Variants in CTNND2 observed in about 807,000 individuals in gnomAD.
CTNND2 encodes the protein catenin delta-2.
Under a neutral mutation model 144.4 loss-of-function variants are expected in CTNND2, and 22 were observed. The ratio of observed to expected loss-of-function variants is 0.15; its 90% confidence interval spans 0.11 to 0.22. The LOEUF is 0.22. CTNND2 is among the 10% of genes least tolerant of loss of function. The pLI is 1.00. For missense variants in CTNND2, 1,353 were observed against 1,618.8 expected (o/e 0.84, Z 2.82); for synonymous variants, 751 against 695.6 (o/e 1.08, Z -1.25).
chr5:11,045,081 G>A (rs181397827), intron 16 of CTNND2, among the ~76,000 whole-genome samples: 1 of 152,366 alleles, frequency 6.6e-6, no homozygotes, highest in East Asian at 1.9e-4. Flanking sequence ...ACAGGGCCAT[G>A]CTCCCGCCTA....
Position 11,411,772 on chromosome 5 carries a change from A to C in CTNND2, c.323-120T>G, listed in dbSNP as rs554018543. 1.7e-4 allele frequency: 126 copies of C among 743,112 alleles called. No homozygotes were observed. The African/African-American group carries it at 2.2e-3, about 13-fold the overall frequency. 46.0% of individuals were successfully genotyped at this position (743,112 alleles called of 1,614,324 possible). A position where few individuals can be genotyped will look rare whatever the true frequency, so the allele number is the denominator to read the frequency against. On this transcript the variant is annotated intron_variant, in intron 4 of 21. Coordinates refer to ENST00000304623, the MANE Select transcript of CTNND2 (RefSeq NM_001332.4). ...AATATATTACCTCTATGAAGTTTTC[A>C]TTAGCTATTCCATTTTAATTTTTGG...
intron 3 of CTNND2, among the ~76,000 whole-genome samples, chr5:11,516,675 CTAAA>C: frequency 6.6e-6 from 1 of 152,164 alleles, no homozygotes; most frequent in South Asian, 2.1e-4. Context: ...TGTTAAAGAT[CTAAA>C]TAAATATAAA....
At chr5:11,263,240 T>C (rs1745096659) in intron 9 of CTNND2, among the ~76,000 whole-genome samples, 1 of 152,206 alleles carries the variant, frequency 6.6e-6, no homozygotes, top group Non-Finnish European at 1.5e-5. Flanking sequence ...CCTTTCAAGA[T>C]AACTAAAAAT....
chr5:11,301,529 C>T (rs893470332), intron 9 of CTNND2, among the ~76,000 whole-genome samples: 1 of 152,176 alleles, frequency 6.6e-6, no homozygotes, highest in Non-Finnish European at 1.5e-5. Context: ...TGGAGAACTT[C>T]ATCAAGCTTT....
chr5:11,429,701 T>C (rs1448605054), intron 3 of CTNND2, among the ~76,000 whole-genome samples: 4 of 152,108 alleles, frequency 2.6e-5, no homozygotes, highest in South Asian at 2.1e-4. Flanking sequence ...TCTCCGAAAA[T>C]GCACCACAGA....
chr5:11,681,468 A>G (rs1161238695), intron 2 of CTNND2, among the ~76,000 whole-genome samples: 1 of 152,206 alleles, frequency 6.6e-6, no homozygotes, highest in Admixed American at 6.5e-5. Context: ...TGTCTTCTTC[A>G]GCAGCCCTGA....
intron 3 of CTNND2, among the ~76,000 whole-genome samples, chr5:11,480,670 G>C (rs895544828): frequency 6.6e-6 from 1 of 151,976 alleles, no homozygotes; most frequent in African/African-American, 2.4e-5. Context: ...GTGTGTGTGT[G>C]TGTGTAAGTG....
At chr5:11,020,378 T>A (rs1742112731) in intron 17 of CTNND2, among the ~76,000 whole-genome samples, 1 of 152,142 alleles carries the variant, frequency 6.6e-6, no homozygotes, top group Admixed American at 6.6e-5. Flanking sequence ...AAATAAGTTT[T>A]TAAGGAATAA....
At position 11,367,924 on chromosome 5, in the gene CTNND2, C is replaced by T. The variant is rs139402288; in HGVS notation, c.1178-3034G>A. On this transcript the variant is annotated intron_variant, in intron 7 of 21. Coordinates refer to ENST00000304623, the MANE Select transcript of CTNND2 (RefSeq NM_001332.4). ...TATAAAGCATTTCATGACCAATTACCGCAACAATTCCTACATCATCCAGCA... is the reference window on the plus strand; with the variant it reads ...TATAAAGCATTTCATGACCAATTACTGCAACAATTCCTACATCATCCAGCA... Among the ~76,000 whole-genome samples the T allele has an allele frequency of 4.8e-3, 724 of 152,256 alleles. 4 individuals carry two copies. Among genetic ancestry groups the T allele is most frequent in the Non-Finnish European group, 8.0e-3 (541 of 68,026 alleles).
At chr5:11,769,012 A>C (rs1321915926) in intron 1 of CTNND2, among the ~76,000 whole-genome samples, 3 of 152,202 alleles carry the variant, frequency 2.0e-5, no homozygotes, top group Non-Finnish European at 4.4e-5. Context: ...TAGACTATAA[A>C]TAAGAGGCAA....
intron 7 of CTNND2, among the ~76,000 whole-genome samples, chr5:11,382,476 G>A (rs1758585970): frequency 6.6e-6 from 1 of 152,126 alleles, no homozygotes; most frequent in African/African-American, 2.4e-5. Flanking sequence ...GCAGGTGACT[G>A]TAATCCCAGC....
At chr5:11,086,643 C>T (rs372501643) in intron 15 of CTNND2, among the ~76,000 whole-genome samples, 23 of 152,126 alleles carry the variant, frequency 1.5e-4, no homozygotes, top group African/African-American at 5.3e-4. Context: ...CCATGAAATT[C>T]CTAGTTGTAT....
intron 2 of CTNND2, among the ~76,000 whole-genome samples, chr5:11,687,005 C>T (rs1581721136): frequency 6.6e-6 from 1 of 151,998 alleles, no homozygotes; most frequent in East Asian, 1.9e-4. Flanking sequence ...TTTATAACTA[C>T]TTGTGCTATG....
intron 1 of CTNND2, among the ~76,000 whole-genome samples, chr5:11,766,859 A>C (rs967857173): frequency 5.3e-5 from 8 of 152,190 alleles, no homozygotes; most frequent in Admixed American, 1.3e-4. Context: ...ATTTCAGGGC[A>C]ATATTTCTAA....
At chr5:11,831,242 G>GA (rs61550378) in intron 1 of CTNND2, among the ~76,000 whole-genome samples, 173 of 102,626 alleles carry the variant, frequency 1.7e-3, no homozygotes, top group South Asian at 8.2e-3. Flanking sequence ...AGTATTAACA[G>GA]AAAAAAAAAA....
chr5:11,156,811 T>G (rs1423850790), intron 12 of CTNND2, among the ~76,000 whole-genome samples: 1 of 152,016 alleles, frequency 6.6e-6, no homozygotes, highest in East Asian at 1.9e-4. Context: ...AGGGAAGAAT[T>G]TGAAGTAAGA....
chr5:11,115,344 T>A (rs1248207445), intron 13 of CTNND2, among the ~76,000 whole-genome samples: 1 of 152,218 alleles, frequency 6.6e-6, no homozygotes, highest in African/African-American at 2.4e-5. Flanking sequence ...AGCATGAGGC[T>A]GTTGACTCTT....
chr5:11,424,489 C>T (rs1762617481), intron 3 of CTNND2, among the ~76,000 whole-genome samples: 1 of 149,408 alleles, frequency 6.7e-6, no homozygotes, highest in African/African-American at 2.5e-5. Context: ...ACACACACAT[C>T]AGTGCATATA....
In CTNND2 at chr5:11,057,904, A is replaced by T. The variant is rs541068378; in HGVS notation, c.2788+24792T>A. On this transcript the variant is annotated intron_variant, in intron 16 of 21. Transcript: ENST00000304623. Reference sequence around the variant, plus strand: ...GCAAAGGTAACTCTTGTTATATTTTAAAAAAGAGACTGGCAGGAATTTGCC... The same window carrying T: ...GCAAAGGTAACTCTTGTTATATTTTTAAAAAGAGACTGGCAGGAATTTGCC... Among the ~76,000 whole-genome samples the T allele has an allele frequency of 3.3e-4, 51 of 152,314 alleles. 2 individuals carry two copies. Among genetic ancestry groups the T allele is most frequent in the Admixed American group, 2.1e-3 (32 of 15,306 alleles).
Sources: gnomAD v4.1 joint callset for allele counts (sites outside exome capture counted in the v4.1 genomes callset) on GRCh38, gnomAD v4.1.1 for gene constraint, MANE v1.5 for transcripts, NCBI Gene and HGNC (gene_info 2026-07-23, HGNC 2026-07-21) for gene names.